PHF14: variants seen among roughly 807,000 people sequenced by gnomAD.
PHF14 encodes PHD finger protein 14.
PHF14 carries 55 observed loss-of-function variants against 117.9 expected under a neutral mutation model. That is an observed-to-expected ratio of 0.47 (90% CI 0.38 to 0.58). The LOEUF (loss-of-function observed/expected upper bound fraction) is 0.58, where lower values mean the gene tolerates loss of function less well. PHF14 is among the 20% of genes least tolerant of loss of function. PHF14 has a pLI of 0.00. For synonymous variants in PHF14, 409 were observed against 368.6 expected, an observed-to-expected ratio of 1.11 and a Z score of -1.26; for missense variants, 978 against 1,122.2, an observed-to-expected ratio of 0.87 and a Z score of 1.84.
At chr7:11,160,108 A>G (rs974590224) in intron 17 of PHF14, among the ~76,000 whole-genome samples, 2 of 152,014 alleles carry the variant, frequency 1.3e-5, no homozygotes, top group African/African-American at 4.8e-5. Context: ...TATTATTGCC[A>G]TCTTCATGTC....
At chr7:10,979,799 T>G (rs1369735934) in intron 2 of PHF14, among the ~76,000 whole-genome samples, 4 of 152,096 alleles carry the variant, frequency 2.6e-5, no homozygotes, top group Non-Finnish European at 5.9e-5. Flanking sequence ...AGATTTGATG[T>G]ATTGCTGATC....
chr7:10,974,118 C>T lies in PHF14; in HGVS notation c.-206C>T. ...GCGCTGTGGGAAGGGGCTCGAGCGG[C>T]CAGGGCCAGGCGAGGCCGGGGGGGC... On this transcript the variant is annotated 5_prime_UTR_variant, in exon 1 of 18. Transcript: ENST00000634607. 1 of 578,230 alleles carries T rather than the reference C, an allele frequency of 1.7e-6. No homozygotes were observed. The highest frequency in any genetic ancestry group is 2.9e-5 in the East Asian group (1 of 34,744). The allele number at this position is 578,230 out of a possible 1,614,324, so 35.8% of individuals were successfully genotyped here. A position where few individuals can be genotyped will look rare whatever the true frequency, so the allele number is the denominator to read the frequency against.
At chr7:11,080,698 C>T (rs1005740481) in intron 16 of PHF14, among the ~76,000 whole-genome samples, 6 of 152,202 alleles carry the variant, frequency 3.9e-5, no homozygotes, top group African/African-American at 1.4e-4. Flanking sequence ...AAGTACTATT[C>T]AGGACATTCT....
chr7:11,119,067 G>A (rs1393269201), intron 17 of PHF14, among the ~76,000 whole-genome samples: 1 of 151,800 alleles, frequency 6.6e-6, no homozygotes, highest in Non-Finnish European at 1.5e-5. Flanking sequence ...CATTTTCTAA[G>A]TGGCATGTGG....
chr7:11,075,967 C>CA (rs1223722615), intron 16 of PHF14, among the ~76,000 whole-genome samples: 9 of 151,002 alleles, frequency 6.0e-5, no homozygotes, highest in Non-Finnish European at 1.3e-4. Context: ...CCGTCTCTAC[C>CA]AAAAAAAATA....
intron 4 of PHF14, among the ~76,000 whole-genome samples, chr7:11,000,800 A>G (rs1782842843): frequency 6.6e-6 from 1 of 152,078 alleles, no homozygotes; most frequent in Admixed American, 6.6e-5. Flanking sequence ...ACTTTCTCCC[A>G]GTCTGTAGTT....
chr7:11,017,799 C>T (rs6973228), intron 5 of PHF14, among the ~76,000 whole-genome samples: 87,948 of 151,930 alleles, frequency 0.58, 27,138 homozygotes, highest in East Asian at 0.85. Context: ...GTTTTTGCTT[C>T]GGTTGCTTGT....
intron 17 of PHF14, among the ~76,000 whole-genome samples, chr7:11,148,607 T>C (rs928785346): frequency 2.6e-5 from 4 of 152,322 alleles, no homozygotes; most frequent in East Asian, 3.9e-4. Flanking sequence ...AACAGTTTGT[T>C]GCCTGTCTCT....
rs560293788 is a variant in PHF14 at position 11,139,812 on chromosome 7, A to T, written c.2772+28345A>T. Among the ~76,000 whole-genome samples the T allele has an allele frequency of 8.5e-5, 13 of 152,298 alleles. No individual in the cohort carries two copies. The South Asian group carries it at 1.9e-3, about 22-fold the overall frequency. ...AAAAAGGTAAATGTTTATAGAATTGATGAAAATTGAGTAAAATTTTCCATA... is the reference window on the plus strand; with the variant it reads ...AAAAAGGTAAATGTTTATAGAATTGTTGAAAATTGAGTAAAATTTTCCATA... On this transcript the variant is annotated intron_variant, in intron 17 of 17. Transcript: ENST00000634607.
At chr7:11,063,035 A>G (rs1382065918) in intron 16 of PHF14, 1 of 775,706 alleles carries the variant, frequency 1.3e-6, no homozygotes, top group Admixed American at 7.2e-5. Context: ...TTAAATACTT[A>G]CTTCCAAATG....
At chr7:10,980,989 C>T (rs890246505) in intron 2 of PHF14, among the ~76,000 whole-genome samples, 1 of 152,038 alleles carries the variant, frequency 6.6e-6, no homozygotes, top group African/African-American at 2.4e-5. Flanking sequence ...ACCTACATGA[C>T]AGTTGTGAGA....
chr7:11,151,721 A>G (rs75669786), intron 17 of PHF14, among the ~76,000 whole-genome samples: 1,950 of 152,230 alleles, frequency 0.013, 43 homozygotes, highest in African/African-American at 0.045. Flanking sequence ...GCATGGCCCT[A>G]GCTCTGTAGA....
chr7:11,102,738 A>C (rs1787133803), intron 16 of PHF14: 1 of 1,374,594 alleles, frequency 7.3e-7, no homozygotes, highest in Non-Finnish European at 9.4e-7. Flanking sequence ...GCCTGTGTGG[A>C]ATTTTTTTTC....
At chr7:11,088,240 T>C (rs1481057575) in intron 16 of PHF14, among the ~76,000 whole-genome samples, 1 of 152,192 alleles carries the variant, frequency 6.6e-6, no homozygotes, top group Non-Finnish European at 1.5e-5. Flanking sequence ...ATAGTTGTTA[T>C]ACCATATTTT....
intron 3 of PHF14, among the ~76,000 whole-genome samples, chr7:10,985,602 GACCCTGAAAT>G (rs1194532542): frequency 1.5e-5 from 2 of 136,674 alleles, no homozygotes; most frequent in African/African-American, 5.4e-5. Context: ...ACATGCTGCA[GACCCTGAAAT>G]ACTCTCTAGC....
intron 7 of PHF14, among the ~76,000 whole-genome samples, chr7:11,034,539 ATTTTTTTTTTTT>A (rs56043099): frequency 1.2e-3 from 73 of 63,058 alleles, no homozygotes; most frequent in Admixed American, 7.7e-3. Context: ...TCTTAATTCT[ATTTTTTTTTTTT>A]TTTTTTTTTT....
At chr7:11,146,365 C>G (rs1182969963) in intron 17 of PHF14, among the ~76,000 whole-genome samples, 1 of 152,114 alleles carries the variant, frequency 6.6e-6, no homozygotes, top group Non-Finnish European at 1.5e-5. Context: ...TCTTCAGAGA[C>G]TCTAACCTTA....
chr7:11,064,371 T>C (rs1020838577), intron 16 of PHF14, among the ~76,000 whole-genome samples: 2 of 152,012 alleles, frequency 1.3e-5, no homozygotes. Context: ...TGCTATTTTT[T>C]TAACTTTCAA....
At chr7:11,006,825 C>T (rs1351440594) in intron 4 of PHF14, 2 of 757,054 alleles carry the variant, frequency 2.6e-6, no homozygotes, top group Non-Finnish European at 4.6e-6. Flanking sequence ...GGTTTGGCTT[C>T]AGCTTTAGGA....
Sources: gnomAD v4.1 joint callset for allele counts (sites outside exome capture counted in the v4.1 genomes callset) on GRCh38, gnomAD v4.1.1 for gene constraint, MANE v1.5 for transcripts, NCBI Gene and HGNC (gene_info 2026-07-23, HGNC 2026-07-21) for gene names.